The following BANP variants were observed in gnomAD, a reference collection of about 807,000 sequenced individuals.
BANP encodes protein BANP.
Under a neutral mutation model 68.1 loss-of-function variants are expected in BANP, and 11 were observed. The observed-to-expected ratio is 0.16, with a 90% confidence interval of 0.10 to 0.27. BANP has a LOEUF of 0.27. Among genes scored for constraint, BANP ranks in the 10% least tolerant of loss-of-function variants. BANP has a pLI of 1.00. For missense variants in BANP, 504 were observed against 722.7 expected, an observed-to-expected ratio of 0.70 and a Z score of 3.47; for synonymous variants, 329 against 303.2, an observed-to-expected ratio of 1.09 and a Z score of -0.88.
intron 4 of BANP, among the ~76,000 whole-genome samples, chr16:87,988,816 C>T (rs1235190604): frequency 2.0e-5 from 3 of 152,172 alleles, no homozygotes; most frequent in African/African-American, 4.8e-5. Flanking sequence ...CTGTTTAGAG[C>T]GGCTGCATCT....
chr16:87,984,497 A>T (rs939708124), intron 4 of BANP, among the ~76,000 whole-genome samples: 20 of 152,180 alleles, frequency 1.3e-4, no homozygotes, highest in Admixed American at 1.2e-3. Flanking sequence ...AAGCCGACCC[A>T]TGCACCTTTT....
At chr16:88,026,186 G>T (rs745721141) in intron 7 of BANP, among the ~76,000 whole-genome samples, 4 of 152,208 alleles carry the variant, frequency 2.6e-5, no homozygotes, top group African/African-American at 9.7e-5. Context: ...AGTTCTCTGC[G>T]TGTGCACGGT....
intron 4 of BANP, among the ~76,000 whole-genome samples, chr16:87,987,784 A>G (rs951464151): frequency 1.2e-4 from 17 of 146,562 alleles, no homozygotes; most frequent in African/African-American, 4.0e-4. Flanking sequence ...AGTTCTTTTT[A>G]AAAGGCAGTC....
In BANP at chr16:87,972,716, G is replaced by A. The variant is rs1022334142; in HGVS notation, c.-68-2332G>A. Reference sequence around the variant, plus strand: ...AGCAGCTTCTTTTCTCAGCTCTCTAGGCTCTGTTCTCCCCTCCCACCTTTA... The same window carrying A: ...AGCAGCTTCTTTTCTCAGCTCTCTAAGCTCTGTTCTCCCCTCCCACCTTTA... On this transcript the variant is annotated intron_variant, in intron 1 of 13. Transcript: ENST00000682872. Among the ~76,000 whole-genome samples the A allele has an allele frequency of 3.0e-4, 45 of 152,152 alleles. 2 individuals are homozygous for A. Among genetic ancestry groups the A allele is most frequent in the Admixed American group, 2.0e-4 (3 of 15,272 alleles).
intron 1 of BANP, among the ~76,000 whole-genome samples, chr16:87,973,428 A>G (rs2145694889): frequency 6.6e-6 from 1 of 152,286 alleles, no homozygotes; most frequent in Admixed American, 6.5e-5. Context: ...TTAAGACAGC[A>G]CTTGGCTCCT....
At chr16:88,070,373 C>T (rs909423275) in intron 12 of BANP, among the ~76,000 whole-genome samples, 24 of 152,252 alleles carry the variant, frequency 1.6e-4, no homozygotes, top group African/African-American at 5.5e-4. Flanking sequence ...CAGTAGGGGC[C>T]GTCGGGTAAA....
chr16:87,957,479 C>T lies in BANP; in HGVS notation c.-69+5964C>T, dbSNP rs2058318029. Among the ~76,000 whole-genome samples, 1 of 152,140 alleles carries T rather than the reference C, an allele frequency of 6.6e-6. No homozygotes were observed. Among genetic ancestry groups the T allele is most frequent in the Non-Finnish European group, 1.5e-5 (1 of 68,022 alleles). On this transcript the variant is annotated intron_variant, in intron 1 of 13. Transcript: ENST00000682872. This position sits in a 1 kb window ranked among gnomAD's most constrained non-coding sequence, Gnocchi z 4.3. Reference sequence around the variant, plus strand: ...GGACCGGGTGGGCTGGTGTGGAGTCCTGTCAGGAGACCTGGGGCGGTTTTG... The same window carrying T: ...GGACCGGGTGGGCTGGTGTGGAGTCTTGTCAGGAGACCTGGGGCGGTTTTG...
At chr16:87,978,960 A>G (rs1350908503) in intron 2 of BANP, among the ~76,000 whole-genome samples, 1 of 152,190 alleles carries the variant, frequency 6.6e-6, no homozygotes, top group Non-Finnish European at 1.5e-5. Context: ...TACAAAAACA[A>G]TGTCAAAGAT....
chr16:87,970,685 C>T (rs2060939185), intron 1 of BANP, among the ~76,000 whole-genome samples: 1 of 152,162 alleles, frequency 6.6e-6, no homozygotes, highest in Non-Finnish European at 1.5e-5. Flanking sequence ...ACAAGGGCAT[C>T]AGGGATGACA....
At chr16:88,050,889 G>A (rs1426140361) in intron 11 of BANP, among the ~76,000 whole-genome samples, 1 of 151,956 alleles carries the variant, frequency 6.6e-6, no homozygotes, top group Non-Finnish European at 1.5e-5. Context: ...GTTTTGCCCT[G>A]TTGCACAGAC....
intron 12 of BANP, among the ~76,000 whole-genome samples, chr16:88,070,700 A>G (rs993744318): frequency 1.3e-5 from 2 of 152,156 alleles, no homozygotes; most frequent in Non-Finnish European, 2.9e-5. Flanking sequence ...GCAGGCCTGT[A>G]GATGCTCACT....
rs1598960524 is a variant in BANP, at chr16:88,057,467, C to CGG, written c.1312-7799_1312-7798dup. ...CAGGGGGATGCCCTGGAGACTCTTG[C>CGG]GGTCCCCTCCACGTGTTCACCTCGT... On this transcript the variant is annotated intron_variant, in intron 11 of 13. Transcript: ENST00000682872. This position sits in a 1 kb window ranked among gnomAD's most constrained non-coding sequence, Gnocchi z 4.6. 6.6e-6 allele frequency among the ~76,000 whole-genome samples: 1 copy of CGG among 152,130 alleles called. No homozygotes were observed. The highest frequency in any genetic ancestry group is 1.9e-4 in the East Asian group (1 of 5,156).
intron 9 of BANP, among the ~76,000 whole-genome samples, chr16:88,033,890 G>T (rs184136623): frequency 8.6e-5 from 13 of 152,034 alleles, no homozygotes; most frequent in Non-Finnish European, 5.9e-5. Context: ...ATGAGAGTAG[G>T]GCGTGGCTGA....
chr16:87,991,807 T>C (rs1449986597), intron 4 of BANP, among the ~76,000 whole-genome samples: 1 of 152,250 alleles, frequency 6.6e-6, no homozygotes, highest in Non-Finnish European at 1.5e-5. Context: ...AAAATATGCA[T>C]AATTATGTTA....
At chr16:87,972,464 GT>G (rs11288690) in intron 1 of BANP, among the ~76,000 whole-genome samples, 48,987 of 151,216 alleles carry the variant, frequency 0.32, 10,247 homozygotes, top group African/African-American at 0.57. Flanking sequence ...GGGGATATAT[GT>G]TTCTAGAATG....
chr16:88,009,486 C>T (rs896138281), intron 6 of BANP, among the ~76,000 whole-genome samples: 1 of 152,192 alleles, frequency 6.6e-6, no homozygotes, highest in East Asian at 1.9e-4. Context: ...AATTTGGAGT[C>T]AGTTTATTGT....
intron 6 of BANP, among the ~76,000 whole-genome samples, chr16:88,013,411 G>T (rs2073726727): frequency 6.6e-6 from 1 of 152,126 alleles, no homozygotes; most frequent in South Asian, 2.1e-4. Context: ...ACCGCTGCCC[G>T]CACCCATCAG....
At chr16:88,059,114 T>G (rs942427940) in intron 11 of BANP, among the ~76,000 whole-genome samples, 2 of 151,326 alleles carry the variant, frequency 1.3e-5, no homozygotes, top group Non-Finnish European at 2.9e-5. Context: ...TGTGCTGAGG[T>G]CCGTGCTCCT....
intron 11 of BANP, among the ~76,000 whole-genome samples, chr16:88,052,064 C>T (rs375551089): frequency 6.6e-6 from 1 of 152,180 alleles, no homozygotes; most frequent in Non-Finnish European, 1.5e-5. Context: ...GAGTTTCTCT[C>T]ATTGGGCACT....
Sources: gnomAD v4.1 joint callset for allele counts (sites outside exome capture counted in the v4.1 genomes callset) on GRCh38, gnomAD v4.1.1 for gene constraint, Gnocchi (gnomAD v3.1) non-coding constraint, MANE v1.5 for transcripts, NCBI Gene and HGNC (gene_info 2026-07-23, HGNC 2026-07-21) for gene names.